The following FXR2 variants were observed in gnomAD, a reference collection of about 807,000 sequenced individuals.
FXR2 encodes the protein RNA-binding protein FXR2.
FXR2 carries 9 observed loss-of-function variants against 87.3 expected under a neutral mutation model. The observed-to-expected ratio is 0.10, with a 90% CI of 0.06 to 0.18. FXR2 has a LOEUF of 0.18. Among genes scored for constraint, FXR2 ranks in the 10% least tolerant of loss-of-function variants. The pLI is 1.00. For missense variants in FXR2, 661 were observed against 893.6 expected (o/e 0.74, Z 3.32); for synonymous variants, 331 against 328.3 (o/e 1.01, Z -0.09).
rs751690184 is a variant in FXR2, at chr17:7,595,786, C to T, written c.831+38G>A. The T allele has an allele frequency of 2.6e-6, 4 of 1,563,972 alleles. No homozygotes were observed. The African/African-American group carries it at 4.1e-5, about 16-fold the overall frequency. On this transcript the variant is annotated intron_variant, in intron 8 of 16. Coordinates refer to ENST00000250113, the MANE Select transcript of FXR2 (RefSeq NM_004860.4). This position sits in a 1 kb window ranked among gnomAD's most constrained non-coding sequence, Gnocchi z 4.7. ...CTACTTCGGCCTCTCTTCCCTCTAT[C>T]CCCTAAGAGACCCAGAAGAAAGACA...
rs551088664 is a variant in FXR2, at chr17:7,611,442, C to T, written c.81+3010G>A. On this transcript the variant is annotated intron_variant, in intron 1 of 16. Coordinates refer to ENST00000250113, the MANE Select transcript of FXR2 (RefSeq NM_004860.4). ...CAGCACCTTGGGAGGCCAAGGCGGG[C>T]GAATCTCTTGAAGTCAGGAGTCAGA... 5.5e-4 allele frequency among the ~76,000 whole-genome samples: 83 copies of T among 152,192 alleles called. 1 individual carries two copies. The South Asian group carries it at 0.015, about 27-fold the overall frequency.
chr17:7,592,126 A>T lies in FXR2; in HGVS notation c.1926+128T>A. On this transcript the variant is annotated intron_variant, in intron 16 of 16. Coordinates refer to ENST00000250113, the MANE Select transcript of FXR2 (RefSeq NM_004860.4). The surrounding 1 kb of genome is among the most constrained non-coding windows in gnomAD (Gnocchi z 4.8). ...CTTCTCTATCCTATTCAAAGTTTAC[A>T]CTGGTCTAAACTCCATCAGACACAG... 4 of 1,505,386 alleles carry T rather than the reference A, an allele frequency of 2.7e-6. No homozygotes were observed. The highest frequency in any genetic ancestry group is 3.5e-6 in the Non-Finnish European group (4 of 1,128,052). The allele number at this position is 1,505,386 out of a possible 1,614,324, so 93.3% of individuals were successfully genotyped here. A position where few individuals can be genotyped will look rare whatever the true frequency, so the allele number is the denominator to read the frequency against.
intron 5 of FXR2, 80 bp downstream of exon 5, chr17:7,603,677 G>A (rs145402026): frequency 2.9e-6 from 4 of 1,392,196 alleles, no homozygotes; most frequent in Non-Finnish European, 2.0e-6. Flanking sequence ...ACTGCAAAGT[G>A]GGAGTGATGC....
chr17:7,593,444 C>G lies in FXR2; in HGVS notation c.1289G>C (p.Gly430Ala). ...TGTCCTCCGGCCACGGCCACGGCCC[C>G]CATAGCTGCCCCCATAGGTTCGAGT... ...HATRTYGGSY[G>A]GRGRGRRTGG... is the part of the protein sequence containing the mutation. Residue 430 changes from glycine to alanine, a missense_variant, in exon 12 of 17, where the codon GGG becomes GCG. Around this residue, in one of 3 missense-constraint regions of FXR2, gnomAD observed 409 missense variants for 432.0 expected, o/e 0.95. Coordinates refer to ENST00000250113, the MANE Select transcript of FXR2 (RefSeq NM_004860.4). The surrounding 1 kb of genome is among the most constrained non-coding windows in gnomAD (Gnocchi z 6.1). 1 of 1,587,826 alleles carries G rather than the reference C, an allele frequency of 6.3e-7. No homozygotes were observed.
Position 7,614,541 on chromosome 17 carries a change from C to G in FXR2, c.-9G>C, listed in dbSNP as rs774435702. 2 of 1,468,342 alleles carry G rather than the reference C, an allele frequency of 1.4e-6. No homozygotes were observed. The highest frequency in any genetic ancestry group is 1.5e-5 in the African/African-American group (1 of 68,166). The allele number at this position is 1,468,342 out of a possible 1,614,324, so 91.0% of individuals were successfully genotyped here. A position where few individuals can be genotyped will look rare whatever the true frequency, so the allele number is the denominator to read the frequency against. ...GAGGCCAGGCCGCCCATGGCGCCGC[C>G]ACCGCCTCCGACTCCCCCGGCGGCG... On this transcript the variant is annotated 5_prime_UTR_variant, in exon 1 of 17. Transcript: ENST00000250113.
At chr17:7,596,753 C>A (rs536776419) in intron 7 of FXR2, among the ~76,000 whole-genome samples, 1 of 152,304 alleles carries the variant, frequency 6.6e-6, no homozygotes, top group East Asian at 1.9e-4. Flanking sequence ...GGAACTCTTA[C>A]CTTAATCAAA....
chr17:7,592,720 C>T lies in FXR2; in HGVS notation c.1703G>A (p.Gly568Glu), dbSNP rs778248949. ...CAGGCCATTCTCTGTCATGTTGGGC[C>T]CATCTGATTCCAGGCCTCCATCCAT... The part of the protein sequence containing the change: ...TVMDGGLESD[G>E]PNMTENGLED... The change falls in exon 14 of 17, where the codon GGG becomes GAG. Residue 568 changes from glycine to glutamate, a missense_variant. Coordinates refer to ENST00000250113, the MANE Select transcript of FXR2 (RefSeq NM_004860.4). The surrounding 1 kb of genome is among the most constrained non-coding windows in gnomAD (Gnocchi z 4.8). The T allele has an allele frequency of 3.1e-6, 5 of 1,613,554 alleles. No homozygotes were observed. In the South Asian group the frequency reaches 4.4e-5, roughly 14 times the overall value.
rs2071668036 is a variant in FXR2 at position 7,592,209 on chromosome 17, T to G, written c.1926+45A>C. The G allele has an allele frequency of 6.5e-7, 1 of 1,543,812 alleles. No individual in the cohort carries two copies. The highest frequency in any genetic ancestry group is 1.4e-5 in the African/African-American group (1 of 73,126). ...ATTTTTTGTGCCCCCTGCCCCAGAGTAACAACAAAAAAGGGATGGGGTAAA... is the reference window on the plus strand; with the variant it reads ...ATTTTTTGTGCCCCCTGCCCCAGAGGAACAACAAAAAAGGGATGGGGTAAA... On this transcript the variant is annotated intron_variant, in intron 16 of 16. Coordinates refer to ENST00000250113, the MANE Select transcript of FXR2 (RefSeq NM_004860.4). This position sits in a 1 kb window ranked among gnomAD's most constrained non-coding sequence, Gnocchi z 4.8.
chr17:7,609,903 CATATATATGTATATATACATGTATATGT>C (rs2071835583), intron 1 of FXR2, among the ~76,000 whole-genome samples: 1 of 132,284 alleles, frequency 7.6e-6, no homozygotes. Context: ...TATACACATA[CATATATATGTATATATACATGTATATGT>C]ATATATATAC....
intron 3 of FXR2, among the ~76,000 whole-genome samples, chr17:7,604,879 G>A (rs149932962): frequency 0.16 from 24,568 of 150,766 alleles, 2,682 homozygotes; most frequent in Non-Finnish European, 0.24. Flanking sequence ...CCGCCACCAC[G>A]CCCAGCTAAT....
chr17:7,602,729 C>CA (rs1339165138), intron 6 of FXR2, 180 bp downstream of exon 6: 64 of 511,508 alleles, frequency 1.3e-4, no homozygotes, highest in East Asian at 5.2e-4. Context: ...GACTTCGTCT[C>CA]AAAAAAAAGA....
intron 2 of FXR2, 94 bp downstream of exon 2, chr17:7,606,003 A>G: frequency 1.2e-6 from 1 of 829,272 alleles, no homozygotes; most frequent in Non-Finnish European, 2.0e-6. Flanking sequence ...AGCTCTCCCA[A>G]CCTATTACAT....
At chr17:7,609,154 C>T (rs1326184528) in intron 1 of FXR2, among the ~76,000 whole-genome samples, 2 of 152,154 alleles carry the variant, frequency 1.3e-5, no homozygotes, top group Non-Finnish European at 2.9e-5. Context: ...TTAGAGGTTT[C>T]AAAAGGCTAA....
At chr17:7,605,568 A>C in intron 3 of FXR2, 77 bp downstream of exon 3, 1 of 774,160 alleles carries the variant, frequency 1.3e-6, no homozygotes, top group South Asian at 1.5e-5. Flanking sequence ...GGGAGGAAGG[A>C]ACATGAACCA....
rs748732254 is a variant in FXR2 at position 7,593,906 on chromosome 17, C to A, written c.1107+12G>T. 1.3e-6 allele frequency: 2 copies of A among 1,559,596 alleles called. No homozygotes were observed. The highest frequency in any genetic ancestry group is 3.3e-5 in the Admixed American group (2 of 59,944). ...TTTCACACCCAGCATTTTTCTCTCC[C>A]GGCCTGGGTACCTGCAGGTAGGAGA... On this transcript the variant is annotated intron_variant, in intron 11 of 16. Transcript: ENST00000250113. The surrounding 1 kb of genome is among the most constrained non-coding windows in gnomAD (Gnocchi z 6.1).
At chr17:7,601,133 C>T (rs1376026257) in intron 7 of FXR2, among the ~76,000 whole-genome samples, 3 of 149,652 alleles carry the variant, frequency 2.0e-5, no homozygotes, top group East Asian at 2.0e-4. Context: ...GAGCCGAGAT[C>T]GTGTCATTGC....
Position 7,603,894 on chromosome 17 carries a change from A to T in FXR2, c.312T>A (p.Ile104=), listed in dbSNP as rs2071780414. Residue 104 remains isoleucine (I), a synonymous_variant, in exon 5 of 17, where the codon ATT becomes ATA. Coordinates refer to ENST00000250113, the MANE Select transcript of FXR2 (RefSeq NM_004860.4). ...VRMMKGDFYV[I]EYAACDATYN... is the part of the protein sequence containing the mutation. ...AGGTGGCATCACAGGCAGCATATTC[A>T]ATGACATAGAACTGGCACATGGTAA... is the stretch of plus-strand genomic sequence containing the variant. The T allele has an allele frequency of 1.2e-6, 2 of 1,613,876 alleles. No individual in the cohort carries two copies. The highest frequency in any genetic ancestry group is 3.3e-5 in the Admixed American group (2 of 59,990).
Position 7,603,773 on chromosome 17 carries a change from C to T in FXR2, c.433G>A (p.Glu145Lys), listed in dbSNP as rs746931834. Residue 145 changes from glutamate (E) to lysine (K), a missense_variant, in exon 5 of 17, where the codon GAG becomes AAG. Coordinates refer to ENST00000250113, the MANE Select transcript of FXR2 (RefSeq NM_004860.4). The part of the protein sequence containing the change: ...SFFKVTMAVP[E>K]DLREACSNEN... ...AACACTCACGCTTCTCTCAGATCCT[C>T]GGGCACAGCCATGGTAACCTTGAAG... is the stretch of plus-strand genomic sequence containing the variant. The T allele has an allele frequency of 4.3e-6, 7 of 1,613,896 alleles. No homozygotes were observed. The highest frequency in any genetic ancestry group is 5.1e-6 in the Non-Finnish European group (6 of 1,179,852).
At chr17:7,596,745 AACTCTT>A (rs2071710905) in intron 7 of FXR2, among the ~76,000 whole-genome samples, 1 of 152,224 alleles carries the variant, frequency 6.6e-6, no homozygotes, top group Non-Finnish European at 1.5e-5. Context: ...AAGTGTAAGG[AACTCTT>A]ACCTTAATCA....
Sources: allele counts gnomAD v4.1 joint callset (sites outside exome capture counted in the v4.1 genomes callset), GRCh38; gene constraint gnomAD v4.1.1; regional missense constraint gnomAD v4.1.1; non-coding constraint Gnocchi (gnomAD v3.1); transcripts MANE v1.5; gene names NCBI Gene and HGNC (gene_info 2026-07-23, HGNC 2026-07-21).